TRIQK: variants seen among roughly 807,000 people sequenced by gnomAD.
TRIQK encodes the protein triple QxxK/R motif containing, also known as triple QxxK/R motif-containing protein.
A neutral mutation model predicts 10.8 loss-of-function variants in TRIQK; 10 were observed. That is an observed-to-expected ratio of 0.92 (90% CI 0.57 to 1.57). The LOEUF (loss-of-function observed/expected upper bound fraction) is 1.57. TRIQK is among the 40% of genes most tolerant of loss of function. The probability of loss-of-function intolerance (pLI) is 0.00; values close to 1 mark genes in which losing one functional copy is unlikely to be tolerated. For synonymous variants in TRIQK, 33 were observed against 33.7 expected (o/e 0.98, Z 0.07); for missense variants, 107 against 97.7 (o/e 1.09, Z -0.40).
At chr8:92,969,479 G>GA (rs1245954794), upstream of TRIQK, among the ~76,000 whole-genome samples, 121 of 149,294 alleles carry the variant, frequency 8.1e-4, 2 homozygotes, top group Admixed American at 6.9e-3. Context: ...AGTGTATTTG[G>GA]AAAAAAAATG....
rs1433699402 is a variant in TRIQK, at chr8:92,987,681, CA to C, written c.-181+29927del. On this transcript the variant is annotated intron_variant, in intron 1 of 4. Transcript: ENST00000520686. Reference sequence around the variant, plus strand: ...AAAATAAAGAAAATTATAATTTTCTCAAAATGATTATTAGAAAAATTATTTA... The same window carrying C: ...AAAATAAAGAAAATTATAATTTTCTCAAATGATTATTAGAAAAATTATTTA... Among the ~76,000 whole-genome samples the C allele has an allele frequency of 3.3e-5, 5 of 152,072 alleles. No homozygotes were observed. The South Asian group carries it at 1.0e-3, about 32-fold the overall frequency.
At position 92,918,073 on chromosome 8, in the gene TRIQK, A is replaced by T. The variant is rs551384367; in HGVS notation, c.-21-1063T>A. On this transcript the variant is annotated intron_variant, in intron 2 of 4. Transcript: ENST00000521988. ...TGGCAGCGTTTCATTTATAAGGCTG[A>T]ATAATATTCCACTGTGTATAGAGAC... Among the ~76,000 whole-genome samples, 410 of 152,146 alleles carry T rather than the reference A, an allele frequency of 2.7e-3. 2 individuals are homozygous for T. The highest frequency in any genetic ancestry group is 7.1e-3 in the Admixed American group (109 of 15,272).
chr8:92,966,590 G>T (rs1812760765), upstream of TRIQK, among the ~76,000 whole-genome samples: 2 of 152,138 alleles, frequency 1.3e-5, no homozygotes, highest in African/African-American at 4.8e-5. Context: ...TGACAATTAG[G>T]ATTTAGGAGC....
intron 1 of TRIQK, among the ~76,000 whole-genome samples, chr8:92,988,445 C>A (rs1202662974): frequency 6.6e-6 from 1 of 152,036 alleles, no homozygotes; most frequent in Non-Finnish European, 1.5e-5. Flanking sequence ...CATTTTATGC[C>A]ACTTTTTCTG....
intron 1 of TRIQK, among the ~76,000 whole-genome samples, chr8:92,962,163 T>C (rs1179853844): frequency 6.6e-6 from 1 of 152,196 alleles, no homozygotes; most frequent in Non-Finnish European, 1.5e-5. Flanking sequence ...TCCTTATCTG[T>C]TTAATAGGAA....
intron 1 of TRIQK, among the ~76,000 whole-genome samples, chr8:92,979,012 G>A (rs766504964): frequency 6.6e-6 from 1 of 152,080 alleles, no homozygotes; most frequent in African/African-American, 2.4e-5. Flanking sequence ...ATTTTCTCAT[G>A]TCAAAAATCT....
At chr8:93,006,339 C>T (rs921755341) in intron 1 of TRIQK, among the ~76,000 whole-genome samples, 1 of 152,164 alleles carries the variant, frequency 6.6e-6, no homozygotes, top group East Asian at 1.9e-4. Flanking sequence ...AGACAGACCA[C>T]CTGGGAAAGG....
At chr8:92,961,516 T>A (rs1405641779) in intron 1 of TRIQK, among the ~76,000 whole-genome samples, 1 of 152,230 alleles carries the variant, frequency 6.6e-6, no homozygotes, top group Admixed American at 6.5e-5. Flanking sequence ...TCCACATAGA[T>A]AATTAACTTG....
intron 2 of TRIQK, among the ~76,000 whole-genome samples, chr8:92,933,185 C>A (rs927304098): frequency 6.6e-6 from 1 of 152,122 alleles, no homozygotes; most frequent in Admixed American, 6.6e-5. Flanking sequence ...CATTCTACTA[C>A]GCCCTTTCCA....
At chr8:92,956,105 G>A (rs1201783485) in intron 1 of TRIQK, among the ~76,000 whole-genome samples, 1 of 151,606 alleles carries the variant, frequency 6.6e-6, no homozygotes, top group Non-Finnish European at 1.5e-5. Context: ...ACTTATATAC[G>A]AATGTTCATA....
chr8:92,959,893 T>C (rs1266961274), intron 1 of TRIQK, among the ~76,000 whole-genome samples: 1 of 152,136 alleles, frequency 6.6e-6, no homozygotes, highest in Non-Finnish European at 1.5e-5. Context: ...CCTGGGAATT[T>C]TTTTAACTAT....
chr8:92,995,708 G>A (rs1478927602), intron 1 of TRIQK, among the ~76,000 whole-genome samples: 1 of 151,958 alleles, frequency 6.6e-6, no homozygotes, highest in African/African-American at 2.4e-5. Context: ...TCAAACATAT[G>A]TTATAATTGA....
intron 4 of TRIQK, among the ~76,000 whole-genome samples, chr8:92,891,017 C>G (rs1816738497): frequency 6.6e-6 from 1 of 151,638 alleles, no homozygotes; most frequent in South Asian, 2.1e-4. Flanking sequence ...AAAACTGACA[C>G]ACAGCATGGA....
intron 3 of TRIQK, among the ~76,000 whole-genome samples, chr8:92,896,944 G>A (rs1457352944): frequency 6.6e-6 from 1 of 151,728 alleles, no homozygotes; most frequent in Non-Finnish European, 1.5e-5. Flanking sequence ...AGCCTCCCAA[G>A]TAGCTGGGAT....
At chr8:92,975,490 A>C (rs2130740386) in intron 1 of TRIQK, among the ~76,000 whole-genome samples, 1 of 152,256 alleles carries the variant, frequency 6.6e-6, no homozygotes, top group Admixed American at 6.5e-5. Context: ...TGTTCATAAT[A>C]TTGCTTATAT....
rs549121112 is a variant in TRIQK at position 92,993,384 on chromosome 8, G to A, written c.-181+24225C>T. Among the ~76,000 whole-genome samples the A allele has an allele frequency of 1.1e-3, 171 of 152,202 alleles. 1 individual carries two copies. Among genetic ancestry groups the A allele is most frequent in the African/African-American group, 3.9e-3 (161 of 41,518 alleles). On this transcript the variant is annotated intron_variant, in intron 1 of 4. Coordinates refer to the TRIQK transcript ENST00000520686. ...ATTTCTTCTCCAAAGAAAAAGCAAT[G>A]AGATGGTCAGTGAAACAAGGGTGCA...
intron 3 of TRIQK, 24 bp from the exon 4 acceptor site, chr8:92,892,098 A>G: frequency 1.4e-6 from 2 of 1,392,346 alleles, no homozygotes; most frequent in Non-Finnish European, 2.0e-6. Flanking sequence ...GTTTCAGACA[A>G]TGAGTTATGC....
intron 1 of TRIQK, among the ~76,000 whole-genome samples, chr8:92,992,835 A>G (rs1245168137): frequency 6.6e-6 from 1 of 152,186 alleles, no homozygotes; most frequent in East Asian, 1.9e-4. Flanking sequence ...AGAGCACCCC[A>G]TTGTTGGAAG....
Position 92,884,849 on chromosome 8 carries a change from G to C in TRIQK, c.*1773C>G, listed in dbSNP as rs755354562. 47 of 455,822 alleles carry C rather than the reference G, an allele frequency of 1.0e-4. No individual in the cohort carries two copies. Among genetic ancestry groups the C allele is most frequent in the South Asian group, 6.8e-4 (44 of 64,550 alleles). The allele number at this position is 455,822 out of a possible 1,614,324, so 28.2% of individuals were successfully genotyped here. ...GTTCACGTAAATGTGATGGGAGTGG[G>C]GGGGTGGGGAGCAGTATTTCTTGAC... is the stretch of plus-strand genomic sequence containing the variant. On this transcript the variant is annotated 3_prime_UTR_variant, in exon 5 of 5. Coordinates refer to ENST00000521988, the MANE Select transcript of TRIQK (RefSeq NM_001171797.2).
Sources: allele counts gnomAD v4.1 joint callset (sites outside exome capture counted in the v4.1 genomes callset), GRCh38; gene constraint gnomAD v4.1.1; transcripts MANE v1.5; gene names NCBI Gene and HGNC (gene_info 2026-07-23, HGNC 2026-07-21).